EDA2R: variants seen among roughly 807,000 people sequenced by gnomAD.
EDA2R encodes tumor necrosis factor receptor superfamily member 27.
A neutral mutation model predicts 20.1 loss-of-function variants in EDA2R; 26 were observed. The observed-to-expected ratio is 1.30, with a 90% CI of 0.95 to 1.80. EDA2R has a LOEUF of 1.80. EDA2R is among the 40% of genes most tolerant of loss of function. The pLI, the probability that EDA2R is intolerant of heterozygous loss-of-function variation, is 0.00. For missense variants in EDA2R, 277 were observed against 228.7 expected (o/e 1.21, Z -1.36); for synonymous variants, 114 against 88.7 (o/e 1.29, Z -1.60).
rs977027221 is a variant in EDA2R, at chrX:66,604,423, T to C, written c.350A>G (p.Gln117Arg). Residue 117 changes from glutamine to arginine, a missense_variant and splice_region_variant, in exon 4 of 7, where the codon CAA becomes CGA. Physicochemically the swap from Gln to Arg is conservative, Grantham distance 43. Coordinates refer to ENST00000374719, the MANE Select transcript of EDA2R (RefSeq NM_021783.5). ...GAAGAAGAGAACTGGGTACACACAT[T>C]GAACCTCAGAGGTGGGGGTCTGCTT... Reference protein sequence around the residue: ...CTKQTPTSEVQCAFQLSLVEA... With the variant: ...CTKQTPTSEVRCAFQLSLVEA... 1 of 1,205,552 alleles carries C rather than the reference T, an allele frequency of 8.3e-7. No homozygotes were observed. The highest frequency in any genetic ancestry group is 1.1e-6 in the Non-Finnish European group (1 of 892,751).
chrX:66,598,412 G>A (rs1927849502), intron 6 of EDA2R, among the ~76,000 whole-genome samples: 1 of 111,743 alleles, frequency 8.9e-6, no homozygotes, highest in Non-Finnish European at 1.9e-5. Context: ...CTGGCACGAG[G>A]AACAGAGCCA....
intron 1 of EDA2R, among the ~76,000 whole-genome samples, chrX:66,628,573 A>G (rs1933368488): frequency 9.0e-6 from 1 of 110,647 alleles, no homozygotes; most frequent in Non-Finnish European, 1.9e-5. Flanking sequence ...TTACACACAT[A>G]AAGTAGAAAA....
intron 4 of EDA2R, among the ~76,000 whole-genome samples, chrX:66,603,959 T>TGGTAGACAAAAAA (rs1929147296): frequency 8.9e-6 from 1 of 112,203 alleles, no homozygotes; most frequent in South Asian, 3.7e-4. Flanking sequence ...AGTAAATAGA[T>TGGTAGACAAAAAA]GGTAGACAAA....
At chrX:66,601,511 C>A (rs758636970) in intron 5 of EDA2R, among the ~76,000 whole-genome samples, 23 of 111,837 alleles carry the variant, frequency 2.1e-4, no homozygotes, top group African/African-American at 7.5e-4. Context: ...ACCAAACATA[C>A]CTCTTGGGCT....
intron 6 of EDA2R, among the ~76,000 whole-genome samples, chrX:66,598,404 G>A (rs1927844914): frequency 8.9e-6 from 1 of 111,782 alleles, no homozygotes; most frequent in Non-Finnish European, 1.9e-5. Context: ...AGGTCTGTCT[G>A]GCACGAGGAA....
In EDA2R at chrX:66,621,480, C is replaced by T. The variant is rs192973005; in HGVS notation, c.-10-5450G>A. ...TTCCTAGCAGCATTATTTATAATAG[C>T]CAAAAAGTGGGGAAAATCCACATGT... On this transcript the variant is annotated intron_variant, in intron 1 of 6. Coordinates refer to ENST00000374719, the MANE Select transcript of EDA2R (RefSeq NM_021783.5). 4.1e-3 allele frequency among the ~76,000 whole-genome samples: 463 copies of T among 111,688 alleles called. 1 individual carries two copies. The highest frequency in any genetic ancestry group is 7.5e-3 in the Non-Finnish European group (397 of 53,091).
Position 66,597,927 on chromosome X carries a change from C to A in EDA2R, c.*177G>T. 1.6e-6 allele frequency: 1 copy of A among 642,240 alleles called. No individual in the cohort carries two copies. The highest frequency in any genetic ancestry group is 3.5e-5 in the South Asian group (1 of 28,783). 52.9% of individuals were successfully genotyped at this position (642,240 alleles called of 1,213,427 possible). On this transcript the variant is annotated 3_prime_UTR_variant, in exon 7 of 7. Transcript: ENST00000374719. ...GAAGCAAGAAATGCTCCAGATCAGT[C>A]CTTGTGAAATGGAGAATCAATCCTC...
chrX:66,622,109 C>T (rs1157314781), intron 1 of EDA2R, among the ~76,000 whole-genome samples: 1 of 111,683 alleles, frequency 9.0e-6, no homozygotes, highest in Non-Finnish European at 1.9e-5. Flanking sequence ...ATTGTGTTTA[C>T]AAGGGCCAAC....
intron 1 of EDA2R, among the ~76,000 whole-genome samples, chrX:66,623,552 T>C (rs973208399): frequency 1.3e-4 from 15 of 111,910 alleles, no homozygotes; most frequent in African/African-American, 4.5e-4. Context: ...TTTTAAAAAA[T>C]TAAGTTCTTA....
chrX:66,613,997 A>T (rs1931243444), intron 2 of EDA2R, among the ~76,000 whole-genome samples: 1 of 111,428 alleles, frequency 9.0e-6, no homozygotes, highest in African/African-American at 3.3e-5. Context: ...CGGATTCTTG[A>T]TTGGTCTTAA....
At chrX:66,598,122 CAT>C (rs1407324939) in intron 6 of EDA2R, 29 bp from the exon 7 acceptor site, 13 of 763,483 alleles carry the variant, frequency 1.7e-5, no homozygotes, top group African/African-American at 1.1e-4. Context: ...AAGTTAGAAA[CAT>C]GTGGGGAAAT....
At chrX:66,606,216 A>G (rs951468496) in intron 2 of EDA2R, among the ~76,000 whole-genome samples, 8 of 112,342 alleles carry the variant, frequency 7.1e-5, no homozygotes, top group Non-Finnish European at 5.6e-5. Flanking sequence ...TGCTAGTTGT[A>G]GCAGAAGCTG....
At chrX:66,615,868 T>C in intron 2 of EDA2R, 66 bp downstream of exon 2, 2 of 951,687 alleles carry the variant, frequency 2.1e-6, no homozygotes, top group Non-Finnish European at 3.0e-6. Context: ...AATCTTGGCC[T>C]CTTTCAGTTG....
intron 2 of EDA2R, among the ~76,000 whole-genome samples, chrX:66,610,742 T>C (rs1930597474): frequency 9.0e-6 from 1 of 111,629 alleles, no homozygotes; most frequent in Non-Finnish European, 1.9e-5. Context: ...TAAAACCTTA[T>C]AAGGGTGCAA....
chrX:66,615,322 T>G (rs1931483615), intron 2 of EDA2R, among the ~76,000 whole-genome samples: 1 of 111,893 alleles, frequency 8.9e-6, no homozygotes, highest in Admixed American at 9.5e-5. Context: ...TTCTGGCCTC[T>G]GTAGCCCCAG....
intron 1 of EDA2R, among the ~76,000 whole-genome samples, chrX:66,627,856 C>T (rs1157689636): frequency 8.9e-6 from 1 of 111,914 alleles, no homozygotes; most frequent in African/African-American, 3.2e-5. Context: ...ATATACAGAA[C>T]ATTTCAACCA....
rs1457883522 is a variant in EDA2R at position 66,607,399 on chromosome X, A to G, written c.88-2173T>C. Among the ~76,000 whole-genome samples the G allele has an allele frequency of 1.8e-5, 2 of 111,756 alleles. 1 individual carries two copies. The highest frequency in any genetic ancestry group is 3.8e-5 in the Non-Finnish European group (2 of 53,154). ...GTCTCTACAAAAATAGTTTGGAAAA[A>G]CACCTAAACAAATGGAGTGCTAGCC... On this transcript the variant is annotated intron_variant, in intron 2 of 6. Transcript: ENST00000374719.
At chrX:66,625,368 C>A (rs1320805117) in intron 1 of EDA2R, among the ~76,000 whole-genome samples, 1 of 110,821 alleles carries the variant, frequency 9.0e-6, no homozygotes, top group African/African-American at 3.3e-5. Context: ...TGCATGGGAG[C>A]TGGGTGAGGC....
chrX:66,598,737 G>A (rs1235285727), intron 6 of EDA2R, among the ~76,000 whole-genome samples: 1 of 112,177 alleles, frequency 8.9e-6, no homozygotes, highest in Non-Finnish European at 1.9e-5. Context: ...TGGATGCAGG[G>A]AGCAGGGAAG....
Sources: gnomAD v4.1 joint callset for allele counts (sites outside exome capture counted in the v4.1 genomes callset) on GRCh38, gnomAD v4.1.1 for gene constraint, MANE v1.5 for transcripts, NCBI Gene and HGNC (gene_info 2026-07-23, HGNC 2026-07-21) for gene names.